Variants in RARB observed in about 807,000 individuals in gnomAD.
The protein encoded by RARB is HBV-activated protein.
In RARB, 17 loss-of-function variants were observed where a neutral mutation model predicts 51.9. That is an observed-to-expected ratio of 0.33 (90% CI 0.22 to 0.49). RARB has a LOEUF of 0.49. Among genes scored for constraint, RARB ranks in the 20% least tolerant of loss-of-function variants. The probability of loss-of-function intolerance (pLI) is 0.99; values close to 1 mark genes in which losing one functional copy is unlikely to be tolerated. For missense variants in RARB, 369 were observed against 550.8 expected (o/e 0.67, Z 3.30); for synonymous variants, 215 against 195.4 (o/e 1.10, Z -0.84).
At chr3:25,514,765 A>G (rs1427184289) in intron 3 of RARB, among the ~76,000 whole-genome samples, 1 of 152,226 alleles carries the variant, frequency 6.6e-6, no homozygotes, top group Non-Finnish European at 1.5e-5. Flanking sequence ...GGCCCTTCCA[A>G]AGGGAAAGAT....
At chr3:25,356,626 T>G (rs1446175785) in intron 5 of RARB, among the ~76,000 whole-genome samples, 1 of 152,072 alleles carries the variant, frequency 6.6e-6, no homozygotes, top group African/African-American at 2.4e-5. Context: ...CAACCCATCA[T>G]CTACATTAGG....
intron 2 of RARB, among the ~76,000 whole-genome samples, chr3:24,999,126 G>C (rs543696735): frequency 2.6e-5 from 4 of 152,168 alleles, no homozygotes; most frequent in Admixed American, 1.3e-4. Flanking sequence ...CTGTTATATA[G>C]ATAAACAGGC....
At chr3:24,907,812 C>T (rs190740523) in intron 2 of RARB, among the ~76,000 whole-genome samples, 1 of 151,702 alleles carries the variant, frequency 6.6e-6, no homozygotes, top group East Asian at 1.9e-4. Flanking sequence ...TTTCTCCATA[C>T]CTTTAAATAT....
intron 5 of RARB, among the ~76,000 whole-genome samples, chr3:25,211,460 T>C (rs1477795034): frequency 6.6e-6 from 1 of 152,224 alleles, no homozygotes; most frequent in African/African-American, 2.4e-5. Flanking sequence ...TGTTTTGCAA[T>C]ATATTGCAAA....
intron 5 of RARB, among the ~76,000 whole-genome samples, chr3:25,193,800 A>G (rs1425341262): frequency 6.6e-6 from 1 of 152,032 alleles, no homozygotes; most frequent in Non-Finnish European, 1.5e-5. Context: ...AGGCAACTAT[A>G]TAAACGTGCA....
intron 5 of RARB, among the ~76,000 whole-genome samples, chr3:25,343,618 TC>T (rs1705298801): frequency 6.6e-6 from 1 of 152,304 alleles, no homozygotes; most frequent in South Asian, 2.1e-4. Context: ...ATAAATACAT[TC>T]TTTAATTTGA....
intron 5 of RARB, among the ~76,000 whole-genome samples, chr3:25,319,824 T>A: frequency 6.6e-6 from 1 of 152,178 alleles, no homozygotes; most frequent in Non-Finnish European, 1.5e-5. Context: ...AGACAGACAT[T>A]TATTGATTCA....
chr3:25,490,402 G>C (rs1385891772), intron 2 of RARB, among the ~76,000 whole-genome samples: 1 of 152,200 alleles, frequency 6.6e-6, no homozygotes, highest in Non-Finnish European at 1.5e-5. Flanking sequence ...TCGCCATGGT[G>C]ATGTGCCTTG....
intron 3 of RARB, among the ~76,000 whole-genome samples, chr3:25,541,959 T>C (rs1455328785): frequency 6.6e-6 from 1 of 152,112 alleles, no homozygotes; most frequent in African/African-American, 2.4e-5. Flanking sequence ...ATCATGTTTG[T>C]TAAATAAATT....
chr3:24,862,994 C>A (rs542655272), intron 2 of RARB, among the ~76,000 whole-genome samples: 3 of 152,028 alleles, frequency 2.0e-5, no homozygotes, highest in African/African-American at 7.2e-5. Flanking sequence ...TGGATGGAAA[C>A]AATAATGCAG....
intron 4 of RARB, among the ~76,000 whole-genome samples, chr3:25,157,912 C>CAAACACACCGG (rs11276564): frequency 6.6e-6 from 1 of 151,468 alleles, no homozygotes; most frequent in Non-Finnish European, 1.5e-5. Flanking sequence ...AACTTTAAAT[C>CAAACACACCGG]AACTGATGCA....
At chr3:25,119,616 C>T (rs1350096305) in intron 3 of RARB, among the ~76,000 whole-genome samples, 4 of 150,802 alleles carry the variant, frequency 2.7e-5, no homozygotes, top group Non-Finnish European at 4.4e-5. Context: ...TGTAACTCAG[C>T]GCAGCCTAAC....
chr3:25,530,603 A>G (rs1273178862), intron 3 of RARB, among the ~76,000 whole-genome samples: 1 of 152,124 alleles, frequency 6.6e-6, no homozygotes, highest in Non-Finnish European at 1.5e-5. Context: ...CTCACATTAC[A>G]TTGCTCTGAT....
intron 3 of RARB, among the ~76,000 whole-genome samples, chr3:25,505,559 T>C (rs1697542034): frequency 6.8e-6 from 1 of 147,608 alleles, no homozygotes; most frequent in Admixed American, 6.8e-5. Context: ...TTTTTTTTTC[T>C]GTTTTGTAAA....
intron 5 of RARB, among the ~76,000 whole-genome samples, chr3:25,195,915 C>A (rs1015476513): frequency 4.6e-5 from 7 of 151,872 alleles, no homozygotes; most frequent in Admixed American, 1.3e-4. Context: ...GTTTATGGCT[C>A]TATTTTAAAT....
chr3:25,103,823 C>A (rs1022827539), intron 3 of RARB, among the ~76,000 whole-genome samples: 4 of 152,146 alleles, frequency 2.6e-5, no homozygotes, highest in Non-Finnish European at 5.9e-5. Flanking sequence ...CTGTCTTAGC[C>A]TTTTTCATTC....
chr3:25,204,778 C>T (rs943731059), intron 5 of RARB, among the ~76,000 whole-genome samples: 1 of 152,166 alleles, frequency 6.6e-6, no homozygotes, highest in Admixed American at 6.5e-5. Flanking sequence ...CTGAATGTTC[C>T]TCTGGAAGTT....
At chr3:24,871,455 A>G (rs1425714848) in intron 2 of RARB, among the ~76,000 whole-genome samples, 2 of 151,948 alleles carry the variant, frequency 1.3e-5, no homozygotes, top group African/African-American at 4.8e-5. Flanking sequence ...CATGTCCTAC[A>G]TTTCCTCTTC....
rs945047732 is a variant in RARB, at chr3:24,860,572, C to T, written c.-380+1820C>T. On this transcript the variant is annotated intron_variant, in intron 2 of 11. Coordinates refer to the RARB transcript ENST00000383772. ...ACAAACAAACCCATCCACTGCTGCT[C>T]CCTCTTACTCTCTATACACACATAA... 8.3e-4 allele frequency among the ~76,000 whole-genome samples: 126 copies of T among 152,136 alleles called. 1 individual carries two copies. Among genetic ancestry groups the T allele is most frequent in the Non-Finnish European group, 3.1e-4 (21 of 68,032 alleles).
Sources: allele counts gnomAD v4.1 joint callset (sites outside exome capture counted in the v4.1 genomes callset), GRCh38; gene constraint gnomAD v4.1.1; transcripts MANE v1.5; gene names NCBI Gene and HGNC (gene_info 2026-07-23, HGNC 2026-07-21).